HIVEP1: variants seen among roughly 807,000 people sequenced by gnomAD.
HIVEP1 encodes the protein zinc finger protein 40.
HIVEP1 carries 36 observed loss-of-function variants against 180.0 expected under a neutral mutation model. The ratio of observed to expected loss-of-function variants is 0.20; its 90% CI spans 0.15 to 0.26. The LOEUF is 0.26. Ranked by LOEUF, HIVEP1 falls within the 10% of genes least tolerant of loss-of-function variation. HIVEP1 has a pLI of 1.00. For missense variants in HIVEP1, 3,143 were observed against 3,268.7 expected, an observed-to-expected ratio of 0.96 and a Z score of 0.94; for synonymous variants, 1,239 against 1,239.0, an observed-to-expected ratio of 1.00 and a Z score of 0.00.
intron 3 of HIVEP1, among the ~76,000 whole-genome samples, chr6:12,093,082 G>C (rs548440581): frequency 6.6e-6 from 1 of 152,082 alleles, no homozygotes; most frequent in Non-Finnish European, 1.5e-5. Flanking sequence ...TTGTGTTTGC[G>C]CACTAAATGA....
chr6:12,168,337 A>AT, downstream of HIVEP1, among the ~76,000 whole-genome samples: 2 of 125,880 alleles, frequency 1.6e-5, no homozygotes, highest in African/African-American at 6.0e-5. Context: ...TTATATAATT[A>AT]TATATACATG....
chr6:12,043,518 C>T (rs1436854805), intron 2 of HIVEP1, among the ~76,000 whole-genome samples: 3 of 151,912 alleles, frequency 2.0e-5, no homozygotes, highest in African/African-American at 7.3e-5. Flanking sequence ...AGGCTCCTGC[C>T]ACCACAGCCA....
intron 7 of HIVEP1, among the ~76,000 whole-genome samples, chr6:12,139,888 A>C (rs1440340513): frequency 6.6e-6 from 1 of 152,234 alleles, no homozygotes; most frequent in Non-Finnish European, 1.5e-5. Flanking sequence ...CTGCCTCTGT[A>C]GTCTCCACCT....
intron 3 of HIVEP1, among the ~76,000 whole-genome samples, chr6:12,111,450 A>G (rs1052625129): frequency 6.6e-6 from 1 of 152,242 alleles, no homozygotes; most frequent in Non-Finnish European, 1.5e-5. Context: ...ACCTGGCTAT[A>G]ATGATGATGT....
At chr6:12,177,976 T>TAACA in the HIVEP1 span, among the ~76,000 whole-genome samples, 4 of 152,216 alleles carry the variant, frequency 2.6e-5, no homozygotes, top group African/African-American at 7.2e-5. Context: ...ATGTTTAAGA[T>TAACA]AACATTTCAA....
downstream of HIVEP1, among the ~76,000 whole-genome samples, chr6:12,168,343 AC>A (rs1411903190): frequency 1.5e-5 from 2 of 135,188 alleles, no homozygotes; most frequent in Non-Finnish European, 3.2e-5. Flanking sequence ...AATTATATAT[AC>A]ATGTATATGT....
chr6:12,026,673 C>T (rs1210738870), intron 2 of HIVEP1, among the ~76,000 whole-genome samples: 1 of 152,162 alleles, frequency 6.6e-6, no homozygotes, highest in Non-Finnish European at 1.5e-5. Context: ...CGTTCGGTGG[C>T]TAGGCAGTAT....
chr6:12,097,140 T>C (rs1411179477), intron 3 of HIVEP1, among the ~76,000 whole-genome samples: 1 of 152,064 alleles, frequency 6.6e-6, no homozygotes, highest in South Asian at 2.1e-4. Flanking sequence ...ACCAGTGTGG[T>C]CCTTGGGTTT....
intron 3 of HIVEP1, among the ~76,000 whole-genome samples, chr6:12,093,052 A>G (rs1773577541): frequency 6.6e-6 from 1 of 152,172 alleles, no homozygotes; most frequent in African/African-American, 2.4e-5. Flanking sequence ...ATTTTTTACA[A>G]AAAATACTCT....
At chr6:12,146,817 G>A (rs1367447389) in intron 7 of HIVEP1, among the ~76,000 whole-genome samples, 2 of 151,824 alleles carry the variant, frequency 1.3e-5, no homozygotes, top group Admixed American at 6.6e-5. Context: ...TTCAATGTGT[G>A]CACAATTACT....
At chr6:12,155,230 A>G (rs1320908594) in intron 7 of HIVEP1, among the ~76,000 whole-genome samples, 1 of 152,208 alleles carries the variant, frequency 6.6e-6, no homozygotes, top group Non-Finnish European at 1.5e-5. Context: ...CATTAACCCA[A>G]TGAATATTTA....
the HIVEP1 span, among the ~76,000 whole-genome samples, chr6:12,195,940 A>T: frequency 4.6e-5 from 7 of 152,218 alleles, no homozygotes; most frequent in East Asian, 1.3e-3. Context: ...CCTTTGCAGA[A>T]CTTCATAAAG....
chr6:12,074,640 G>GTGTGTGTGTGTT (rs888811197), intron 2 of HIVEP1, among the ~76,000 whole-genome samples: 3 of 150,134 alleles, frequency 2.0e-5, no homozygotes, highest in Non-Finnish European at 3.0e-5. Flanking sequence ...GTGTGTGTGT[G>GTGTGTGTGTGTT]TGTGCGCGCG....
At position 12,123,990 on chromosome 6, in the gene HIVEP1, ACAC is replaced by A; in HGVS notation, c.4199_4201del (p.Pro1400del). 6.2e-7 allele frequency: 1 copy of A among 1,613,942 alleles called. No homozygotes were observed. Among genetic ancestry groups the A allele is most frequent in the Non-Finnish European group, 8.5e-7 (1 of 1,179,948 alleles). On this transcript the variant is annotated inframe_deletion, in exon 4 of 9. Transcript: ENST00000379388. The stretch of plus-strand genomic sequence containing the variant: ...TGGAAGCATCACCCCACCCCAGACA[ACAC>A]CACTTACTGAATTGCAGCCTCCATC...
downstream of HIVEP1, among the ~76,000 whole-genome samples, chr6:12,166,213 T>G (rs975537240): frequency 1.3e-5 from 2 of 152,324 alleles, no homozygotes; most frequent in African/African-American, 4.8e-5. Flanking sequence ...GCCTAAAATT[T>G]TAAAGCAGTA....
chr6:12,203,611 C>CA, the HIVEP1 span, among the ~76,000 whole-genome samples: 3 of 151,094 alleles, frequency 2.0e-5, no homozygotes, highest in Non-Finnish European at 4.4e-5. Context: ...CAGGAAGAGA[C>CA]AAAAAAAAGT....
In HIVEP1 at chr6:12,081,269, A is replaced by C. The variant is rs1189885438; in HGVS notation, c.41-7915A>C. ...AAAATGCATGGATTTCCACATTCACAGATTGCCTAGTTCCTGTTCAGCAGT... is the reference window on the plus strand; with the variant it reads ...AAAATGCATGGATTTCCACATTCACCGATTGCCTAGTTCCTGTTCAGCAGT... On this transcript the variant is annotated intron_variant, in intron 2 of 8. Coordinates refer to ENST00000379388, the MANE Select transcript of HIVEP1 (RefSeq NM_002114.4). 2.0e-5 allele frequency among the ~76,000 whole-genome samples: 3 copies of C among 152,130 alleles called. No individual in the cohort carries two copies. The East Asian group carries it at 5.8e-4, about 29-fold the overall frequency.
intron 3 of HIVEP1, among the ~76,000 whole-genome samples, chr6:12,102,859 T>C (rs1561940859): frequency 6.6e-6 from 1 of 152,236 alleles, no homozygotes; most frequent in Non-Finnish European, 1.5e-5. Context: ...AGTGTTGTTA[T>C]GTTGTCAGTT....
At chr6:12,081,326 G>A (rs1161049825) in intron 2 of HIVEP1, among the ~76,000 whole-genome samples, 4 of 152,104 alleles carry the variant, frequency 2.6e-5, no homozygotes, top group African/African-American at 7.2e-5. Context: ...TGGCTCCTGC[G>A]TTCCCATCAG....
Sources: allele counts gnomAD v4.1 joint callset (sites outside exome capture counted in the v4.1 genomes callset), GRCh38; gene constraint gnomAD v4.1.1; transcripts MANE v1.5; gene names NCBI Gene and HGNC (gene_info 2026-07-23, HGNC 2026-07-21).